ERI3: variants seen among roughly 807,000 people sequenced by gnomAD.
ERI3 encodes ERI1 exoribonuclease 3.
Under a neutral mutation model 44.4 loss-of-function variants are expected in ERI3, and 18 were observed. The observed-to-expected ratio is 0.41, with a 90% CI of 0.28 to 0.60. The LOEUF (loss-of-function observed/expected upper bound fraction) is 0.60. ERI3 is among the 20% of genes least tolerant of loss of function. The probability of loss-of-function intolerance (pLI) is 0.36; values close to 1 mark genes in which losing one functional copy is unlikely to be tolerated. For missense variants in ERI3, 294 were observed against 435.5 expected (o/e 0.68, Z 2.89); for synonymous variants, 183 against 164.8 (o/e 1.11, Z -0.84).
intron 6 of ERI3, among the ~76,000 whole-genome samples, chr1:44,297,375 C>T (rs889567072): frequency 6.6e-6 from 1 of 152,130 alleles, no homozygotes; most frequent in Middle Eastern, 3.4e-3. Context: ...CTCCTAAGAC[C>T]TCTGCTCCCT....
chr1:44,337,830 C>T (rs371800829), intron 3 of ERI3, among the ~76,000 whole-genome samples: 8 of 152,234 alleles, frequency 5.3e-5, no homozygotes, highest in African/African-American at 1.7e-4. Flanking sequence ...TCCCTACCTT[C>T]GAAGTGCCCG....
intron 3 of ERI3, among the ~76,000 whole-genome samples, chr1:44,336,188 G>C (rs1646532667): frequency 6.6e-6 from 1 of 152,082 alleles, no homozygotes; most frequent in Non-Finnish European, 1.5e-5. Flanking sequence ...AACAGCACAG[G>C]GGCTCTAATA....
chr1:44,326,740 C>T (rs894882754), intron 3 of ERI3, among the ~76,000 whole-genome samples: 2 of 152,148 alleles, frequency 1.3e-5, no homozygotes, highest in East Asian at 1.9e-4. Context: ...GGTAAAAAAT[C>T]GGAGCTTTAA....
rs1557841127 is a variant in ERI3 at position 44,310,971 on chromosome 1, AC to A, written c.666+2197del. ...GCACATCGCGCGCGCGCGCACACAC[AC>A]ACACACACACACACACACACACACA... On this transcript the variant is annotated intron_variant, in intron 5 of 8. Coordinates refer to ENST00000372257, the MANE Select transcript of ERI3 (RefSeq NM_024066.3). Among the ~76,000 whole-genome samples the A allele has an allele frequency of 6.6e-4, 65 of 99,234 alleles. 4 individuals carry two copies. The East Asian group carries it at 0.017, about 26-fold the overall frequency. The allele number at this position is 99,234 out of a possible 152,430, so 65.1% of individuals were successfully genotyped here.
intron 7 of ERI3, among the ~76,000 whole-genome samples, chr1:44,268,410 A>G (rs1480501118): frequency 1.3e-5 from 2 of 152,240 alleles, no homozygotes; most frequent in Non-Finnish European, 2.9e-5. Flanking sequence ...GCACTGTACC[A>G]TACATTGCCC....
chr1:44,285,390 A>G (rs2154323451), intron 6 of ERI3, among the ~76,000 whole-genome samples: 1 of 152,322 alleles, frequency 6.6e-6, no homozygotes, highest in East Asian at 1.9e-4. Flanking sequence ...ATTTTGTTAC[A>G]GCAGAGAGGC....
At chr1:44,277,223 G>T (rs1333970038) in intron 7 of ERI3, among the ~76,000 whole-genome samples, 1 of 152,064 alleles carries the variant, frequency 6.6e-6, no homozygotes, top group Non-Finnish European at 1.5e-5. Context: ...TGTCACAATA[G>T]AAGCAGGGAC....
At chr1:44,285,308 T>C (rs1022478068) in intron 6 of ERI3, among the ~76,000 whole-genome samples, 3 of 152,196 alleles carry the variant, frequency 2.0e-5, no homozygotes, top group African/African-American at 7.2e-5. Flanking sequence ...AGCTAAAACA[T>C]GATAGTGCCA....
chr1:44,276,714 T>C (rs1461734800), intron 7 of ERI3, among the ~76,000 whole-genome samples: 1 of 152,208 alleles, frequency 6.6e-6, no homozygotes, highest in African/African-American at 2.4e-5. Flanking sequence ...TCCATATCCA[T>C]CAGACCCCCT....
At chr1:44,233,306 T>TAG (rs1244510915) in intron 8 of ERI3, among the ~76,000 whole-genome samples, 2 of 151,888 alleles carry the variant, frequency 1.3e-5, no homozygotes, top group Non-Finnish European at 2.9e-5. Flanking sequence ...CAAACAATCT[T>TAG]ATCTCCTACT....
At chr1:44,348,030 C>A (rs1646818528) in intron 2 of ERI3, among the ~76,000 whole-genome samples, 1 of 152,080 alleles carries the variant, frequency 6.6e-6, no homozygotes, top group Non-Finnish European at 1.5e-5. Context: ...GGACCAGGCA[C>A]AAAGTAAGCA....
chr1:44,264,645 G>A (rs373194805), intron 7 of ERI3, among the ~76,000 whole-genome samples: 108 of 152,294 alleles, frequency 7.1e-4, no homozygotes, highest in African/African-American at 2.3e-3. Flanking sequence ...GGACAAGGAC[G>A]GCAAAGTGTG....
intron 7 of ERI3, among the ~76,000 whole-genome samples, chr1:44,263,076 A>C (rs529255280): frequency 6.6e-6 from 1 of 152,352 alleles, no homozygotes; most frequent in East Asian, 1.9e-4. Flanking sequence ...AGGGATGTTG[A>C]AATGGGCAGT....
chr1:44,242,123 C>T, intron 8 of ERI3: 1 of 985,796 alleles, frequency 1.0e-6, no homozygotes. Context: ...GACCATCCAT[C>T]TCCCTAGCTT....
Position 44,267,383 on chromosome 1 carries a change from A to T in ERI3, c.831+17452T>A, listed in dbSNP as rs60192180. ...CTCATTCTCCCAACCCCCAATTCCT[A>T]TGGGCCTCTCCTCCCCTCCTTCTTC... On this transcript the variant is annotated intron_variant, in intron 7 of 8. Coordinates refer to ENST00000372257, the MANE Select transcript of ERI3 (RefSeq NM_024066.3). 2.6e-5 allele frequency among the ~76,000 whole-genome samples: 4 copies of T among 152,048 alleles called. No individual in the cohort carries two copies. The South Asian group carries it at 6.2e-4, about 24-fold the overall frequency.
At chr1:44,257,866 C>T (rs1159257791) in intron 7 of ERI3, among the ~76,000 whole-genome samples, 5 of 152,186 alleles carry the variant, frequency 3.3e-5, no homozygotes, top group Non-Finnish European at 7.3e-5. Context: ...CAGAAGCTGG[C>T]CCTTCATATC....
chr1:44,342,837 AT>A (rs1646697219), intron 2 of ERI3, among the ~76,000 whole-genome samples: 1 of 27,178 alleles, frequency 3.7e-5, no homozygotes, highest in African/African-American at 1.6e-4. Context: ...ATATATATAT[AT>A]ATATATATAT....
intron 7 of ERI3, among the ~76,000 whole-genome samples, chr1:44,259,723 C>CACACAT (rs1394413620): frequency 7.4e-4 from 109 of 147,602 alleles, no homozygotes; most frequent in Non-Finnish European, 1.2e-3. Flanking sequence ...CACACACACA[C>CACACAT]AAATTAGCCA....
intron 7 of ERI3, among the ~76,000 whole-genome samples, chr1:44,265,047 T>C (rs1043304978): frequency 2.0e-5 from 3 of 152,182 alleles, no homozygotes; most frequent in Admixed American, 2.0e-4. Flanking sequence ...CAGCCTAGCC[T>C]TGAGCCAGGA....
Sources: gnomAD v4.1 joint callset for allele counts (sites outside exome capture counted in the v4.1 genomes callset) on GRCh38, gnomAD v4.1.1 for gene constraint, MANE v1.5 for transcripts, NCBI Gene and HGNC (gene_info 2026-07-23, HGNC 2026-07-21) for gene names.